Variants in SLC2A9 observed in about 807,000 individuals in gnomAD.
The protein encoded by SLC2A9 is solute carrier family 2, facilitated glucose transporter member 9.
SLC2A9 carries 39 observed loss-of-function variants against 50.6 expected under a neutral mutation model. That is an observed-to-expected ratio of 0.77 (90% CI 0.60 to 1.01). The LOEUF is 1.01. Among genes scored for constraint, SLC2A9 ranks in the 50% least tolerant of loss-of-function variants. The pLI, the probability that SLC2A9 is intolerant of heterozygous loss-of-function variation, is 0.00. For missense variants in SLC2A9, 686 were observed against 677.6 expected (o/e 1.01, Z -0.14); for synonymous variants, 324 against 276.9 (o/e 1.17, Z -1.69).
chr4:9,873,374 G>A (rs1046881892), intron 10 of SLC2A9, among the ~76,000 whole-genome samples: 2 of 152,196 alleles, frequency 1.3e-5, no homozygotes, highest in Admixed American at 1.3e-4. Context: ...CTGCCTCCAG[G>A]CAATTGTAGA....
Position 9,979,317 on chromosome 4 carries a change from C to T in SLC2A9, c.681+1275G>A, listed in dbSNP as rs182409155. Among the ~76,000 whole-genome samples the T allele has an allele frequency of 1.3e-3, 195 of 152,286 alleles. 1 individual carries two copies. The highest frequency in any genetic ancestry group is 4.1e-3 in the African/African-American group (171 of 41,544). ...AGTCTTTTACATAACTGCTCTAGGA[C>T]GTGCGAATTTGTTATGTTTGCCCCC... On this transcript the variant is annotated intron_variant, in intron 5 of 11. Coordinates refer to ENST00000264784, the MANE Select transcript of SLC2A9 (RefSeq NM_020041.3).
chr4:9,843,353 T>C (rs914566853), intron 10 of SLC2A9, among the ~76,000 whole-genome samples: 1 of 152,226 alleles, frequency 6.6e-6, no homozygotes, highest in Non-Finnish European at 1.5e-5. Context: ...TTATATCATA[T>C]ACACCTAAGT....
At chr4:9,972,110 T>C (rs1345475410) in intron 5 of SLC2A9, among the ~76,000 whole-genome samples, 2 of 152,222 alleles carry the variant, frequency 1.3e-5, no homozygotes, top group African/African-American at 4.8e-5. Flanking sequence ...GAATAAACAT[T>C]GTTTTCTTTC....
chr4:10,026,624 G>A (rs1763762159), intron 1 of SLC2A9, among the ~76,000 whole-genome samples: 1 of 152,166 alleles, frequency 6.6e-6, no homozygotes, highest in African/African-American at 2.4e-5. Flanking sequence ...GTCCTCCAAT[G>A]AATGAATGAA....
chr4:9,991,131 T>C (rs1757643066), intron 3 of SLC2A9, among the ~76,000 whole-genome samples: 1 of 152,076 alleles, frequency 6.6e-6, no homozygotes, highest in South Asian at 2.1e-4. Flanking sequence ...GCCCCAGAGC[T>C]CCCCCAAGTG....
chr4:9,803,874 T>C (rs58903308), intron 3 of SLC2A9, among the ~76,000 whole-genome samples: 125 of 152,340 alleles, frequency 8.2e-4, no homozygotes, highest in African/African-American at 2.9e-3. Flanking sequence ...CTAGGGGATA[T>C]GTTAGATCCT....
intron 2 of SLC2A9, 41 bp from the exon 3 acceptor site, chr4:9,996,982 C>A (rs764150791): frequency 1.1e-5 from 18 of 1,608,772 alleles, no homozygotes; most frequent in Admixed American, 3.3e-5. Context: ...CTTCTGTTCT[C>A]TCCTGCTGCT....
chr4:9,833,135 C>A (rs1726449169), intron 11 of SLC2A9, among the ~76,000 whole-genome samples: 4 of 152,192 alleles, frequency 2.6e-5, no homozygotes, highest in Admixed American at 2.6e-4. Flanking sequence ...TGTAAAAAGC[C>A]ACTTAAGGTT....
chr4:9,990,256 A>C (rs112098131), intron 3 of SLC2A9, among the ~76,000 whole-genome samples: 78 of 152,266 alleles, frequency 5.1e-4, no homozygotes, highest in African/African-American at 1.7e-3. Context: ...AGATGCAAGC[A>C]AGGATGGCCA....
At chr4:9,955,420 G>A (rs1168290340) in intron 5 of SLC2A9, among the ~76,000 whole-genome samples, 1 of 48,652 alleles carries the variant, frequency 2.1e-5, no homozygotes, top group Admixed American at 2.2e-4. Flanking sequence ...GCGTGAACCC[G>A]GGAGGCGGAG....
intron 5 of SLC2A9, among the ~76,000 whole-genome samples, chr4:9,960,070 C>A (rs2108919880): frequency 7.5e-6 from 1 of 132,518 alleles, no homozygotes; most frequent in East Asian, 2.3e-4. Context: ...TATCAGTGGG[C>A]ATTACTTGGA....
intron 3 of SLC2A9, among the ~76,000 whole-genome samples, chr4:9,785,956 G>C (rs1719166865): frequency 6.6e-6 from 1 of 152,212 alleles, no homozygotes; most frequent in Non-Finnish European, 1.5e-5. Context: ...AGAGCTGCAT[G>C]AAGAGAGACC....
chr4:9,796,468 T>C (rs2139240), downstream of SLC2A9, among the ~76,000 whole-genome samples: 151,990 of 152,344 alleles, frequency 1, 75,819 homozygotes, highest in East Asian at 1. Context: ...AATGGAGATA[T>C]TTATCATGCC....
intron 3 of SLC2A9, among the ~76,000 whole-genome samples, chr4:9,816,846 TA>T (rs1560146748): frequency 4.6e-5 from 7 of 151,880 alleles, no homozygotes; most frequent in African/African-American, 1.7e-4. Context: ...GACACGCACA[TA>T]CACCCTCTTA....
intron 5 of SLC2A9, among the ~76,000 whole-genome samples, chr4:9,970,822 C>A (rs1404229894): frequency 3.9e-5 from 6 of 152,200 alleles, no homozygotes; most frequent in African/African-American, 1.2e-4. Flanking sequence ...CAAAACCGGA[C>A]CCAAAACCAG....
At chr4:10,022,484 AC>A (rs201174187), upstream of SLC2A9, among the ~76,000 whole-genome samples, 797 of 152,344 alleles carry the variant, frequency 5.2e-3, 7 homozygotes, top group Middle Eastern at 0.02. Flanking sequence ...CCTCATGCAC[AC>A]CAGGAGGTTG....
intron 3 of SLC2A9, among the ~76,000 whole-genome samples, chr4:9,806,490 G>T (rs1334626445): frequency 6.6e-6 from 1 of 152,230 alleles, no homozygotes; most frequent in Admixed American, 6.5e-5. Flanking sequence ...GTTCGGGGCT[G>T]TCAGCTCTGA....
At chr4:9,889,971 A>G (rs920109305) in intron 9 of SLC2A9, among the ~76,000 whole-genome samples, 4 of 152,316 alleles carry the variant, frequency 2.6e-5, no homozygotes, top group Admixed American at 2.6e-4. Context: ...CTGATGTTGT[A>G]AGGATGAAGT....
intron 3 of SLC2A9, among the ~76,000 whole-genome samples, chr4:9,785,696 G>T (rs924981724): frequency 1.3e-5 from 2 of 152,226 alleles, no homozygotes; most frequent in Non-Finnish European, 2.9e-5. Context: ...CTATGCTCTA[G>T]GCATTGTTCT....
Sources: allele counts gnomAD v4.1 joint callset (sites outside exome capture counted in the v4.1 genomes callset), GRCh38; gene constraint gnomAD v4.1.1; transcripts MANE v1.5; gene names NCBI Gene and HGNC (gene_info 2026-07-23, HGNC 2026-07-21).